ACP6: variants seen among roughly 807,000 people sequenced by gnomAD.
The protein encoded by ACP6 is lysophosphatidic acid phosphatase type 6.
ACP6 carries 48 observed loss-of-function variants against 48.1 expected under a neutral mutation model. The ratio of observed to expected loss-of-function variants is 1.00; its 90% CI spans 0.79 to 1.27. The LOEUF (loss-of-function observed/expected upper bound fraction) is 1.27, where lower values mean the gene tolerates loss of function less well. Ranked by LOEUF, ACP6 falls within the 50% of genes most tolerant of loss-of-function variation. The pLI is 0.00. For synonymous variants in ACP6, 172 were observed against 204.2 expected, an observed-to-expected ratio of 0.84 and a Z score of 1.34; for missense variants, 485 against 529.1, an observed-to-expected ratio of 0.92 and a Z score of 0.82.
chr1:147,668,434 A>G (rs1459191539), intron 1 of ACP6, among the ~76,000 whole-genome samples: 4 of 149,892 alleles, frequency 2.7e-5, no homozygotes, highest in African/African-American at 9.9e-5. Context: ...ATATATATAT[A>G]TGGTACATAC....
At chr1:147,666,821 TGCTTCTTGAATACC>T (rs1660822973) in intron 1 of ACP6, among the ~76,000 whole-genome samples, 1 of 152,232 alleles carries the variant, frequency 6.6e-6, no homozygotes, top group South Asian at 2.1e-4. Flanking sequence ...CCTCATGTAA[TGCTTCTTGAATACC>T]GCTTCTTTTA....
At chr1:147,665,312 T>C (rs1553213461) in intron 1 of ACP6, among the ~76,000 whole-genome samples, 2 of 152,192 alleles carry the variant, frequency 1.3e-5, no homozygotes, top group African/African-American at 2.4e-5. Context: ...TAAGGCCTCA[T>C]CTAAGCCAGT....
At chr1:147,657,671 A>G (rs12145385) in intron 4 of ACP6, among the ~76,000 whole-genome samples, 114,579 of 152,004 alleles carry the variant, frequency 0.75, 43,628 homozygotes, top group African/African-American at 0.86. Context: ...CACCCGCCTC[A>G]GCCTCCCAAA....
chr1:147,655,908 C>T (rs587691093), intron 4 of ACP6, among the ~76,000 whole-genome samples: 13 of 152,262 alleles, frequency 8.5e-5, no homozygotes, highest in South Asian at 2.1e-4. Flanking sequence ...AGTGTCCTAA[C>T]GCCTTCCCAT....
At chr1:147,635,218 A>G (rs1208349772) in intron 5 of ACP6, among the ~76,000 whole-genome samples, 1 of 152,186 alleles carries the variant, frequency 6.6e-6, no homozygotes, top group Non-Finnish European at 1.5e-5. Flanking sequence ...CTATAACTTA[A>G]CTTTTTATCT....
downstream of ACP6, among the ~76,000 whole-genome samples, chr1:147,637,710 C>A (rs1659334386): frequency 6.6e-6 from 1 of 152,196 alleles, no homozygotes; most frequent in Non-Finnish European, 1.5e-5. Flanking sequence ...CAGTTGTGGG[C>A]AACTGATTTT....
intron 1 of ACP6, among the ~76,000 whole-genome samples, chr1:147,665,755 G>A (rs770754341): frequency 7.9e-5 from 12 of 152,236 alleles, no homozygotes; most frequent in African/African-American, 1.4e-4. Context: ...GACCCTTGGC[G>A]TCTCCTAGGA....
intron 5 of ACP6, among the ~76,000 whole-genome samples, chr1:147,631,536 C>G (rs936889972): frequency 1.3e-5 from 2 of 152,206 alleles, no homozygotes; most frequent in East Asian, 3.8e-4. Context: ...TATGAATTGG[C>G]TGGACACTGT....
chr1:147,650,142 C>T lies in ACP6; in HGVS notation c.977+1G>A, dbSNP rs782648458. On this transcript the variant is annotated splice_donor_variant, in intron 8 of 9. Transcript: ENST00000583509. LOFTEE classifies it high-confidence loss of function. ...CAAAGCAGAGTTGCTGTGCCAGGTA[C>T]CTGATCTTGTCGGGGGCAGTGGCAG... The T allele has an allele frequency of 1.2e-6, 2 of 1,606,276 alleles. No individual in the cohort carries two copies. The highest frequency in any genetic ancestry group is 1.7e-6 in the Non-Finnish European group (2 of 1,176,586).
At chr1:147,669,490 C>T (rs1246208313) in intron 1 of ACP6, among the ~76,000 whole-genome samples, 4 of 152,214 alleles carry the variant, frequency 2.6e-5, no homozygotes, top group Non-Finnish European at 5.9e-5. Context: ...TTCACCTAGA[C>T]CCTTAATAGA....
In ACP6 at chr1:147,643,280, G is replaced by A. The variant is rs2148900101; in HGVS notation, c.*4143C>T. 1 of 152,278 alleles carries A rather than the reference G, an allele frequency of 6.6e-6. No homozygotes were observed. The allele number at this position is 152,278 out of a possible 1,614,324, so 9.4% of individuals were successfully genotyped here. A position where few individuals can be genotyped will look rare whatever the true frequency, so the allele number is the denominator to read the frequency against. ...GCAACGATGTTGAACAAAACACAAT[G>A]TTATTCAAGGACCTGCTATATGTCC... is the stretch of plus-strand genomic sequence containing the variant. On this transcript the variant is annotated 3_prime_UTR_variant, in exon 10 of 10. Coordinates refer to ENST00000583509, the MANE Select transcript of ACP6 (RefSeq NM_016361.5).
At position 147,659,138 on chromosome 1, in the gene ACP6, C is replaced by T; in HGVS notation, c.480-99G>A. On this transcript the variant is annotated intron_variant, in intron 3 of 9. Transcript: ENST00000583509. ...ACGCTCCAGGGGTCTTTCAAGAGTA[C>T]ATAAGGAGAGCTATGGAACTAGGAA... is the stretch of plus-strand genomic sequence containing the variant. The T allele has an allele frequency of 2.5e-6, 3 of 1,192,748 alleles. No individual in the cohort carries two copies. In the East Asian group the frequency reaches 7.6e-5, roughly 30 times the overall value. 73.9% of individuals were successfully genotyped at this position (1,192,748 alleles called of 1,614,324 possible).
At chr1:147,662,216 C>T (rs187948370) in intron 1 of ACP6, among the ~76,000 whole-genome samples, 1 of 152,200 alleles carries the variant, frequency 6.6e-6, no homozygotes, top group Non-Finnish European at 1.5e-5. Context: ...TGGAGATGTA[C>T]AAAATTAATA....
At position 147,670,127 on chromosome 1, in the gene ACP6, G is replaced by A; in HGVS notation, c.-79C>T. ...TCTTCTGCGGGCGCCGGGGCTCAGC[G>A]GGCGCCCCCAAGTCCGCGGGAACCT... On this transcript the variant is annotated 5_prime_UTR_variant, in exon 1 of 10. Transcript: ENST00000583509. 7.3e-7 allele frequency: 1 copy of A among 1,360,592 alleles called. No individual in the cohort carries two copies. Among genetic ancestry groups the A allele is most frequent in the Non-Finnish European group, 9.7e-7 (1 of 1,031,664 alleles). 84.3% of individuals were successfully genotyped at this position (1,360,592 alleles called of 1,614,324 possible).
At chr1:147,667,482 C>A (rs1660856909) in intron 1 of ACP6, among the ~76,000 whole-genome samples, 1 of 151,878 alleles carries the variant, frequency 6.6e-6, no homozygotes, top group South Asian at 2.1e-4. Flanking sequence ...TCCCAAAGTG[C>A]TGGGATTACA....
chr1:147,665,847 G>T (rs1660767386), intron 1 of ACP6, among the ~76,000 whole-genome samples: 1 of 152,152 alleles, frequency 6.6e-6, no homozygotes, highest in South Asian at 2.1e-4. Context: ...TCATATAATA[G>T]TGTCCACCCC....
rs1659742450 is a variant in ACP6, at chr1:147,648,399, G to A, written c.990C>T (p.Leu330=). Residue 330 remains leucine (L), a synonymous_variant, in exon 9 of 10, where the codon CTC becomes CTT. Transcript: ENST00000583509. The stretch of plus-strand genomic sequence containing the variant: ...TGAAGGTCACATCATGAGCCGCATA[G>A]AGATACAGCTTTCTGCAAGAGGAAA... ...TAPDKIRKLY[L]YAAHDVTFIP... 3 of 1,614,192 alleles carry A rather than the reference G, an allele frequency of 1.9e-6. No individual in the cohort carries two copies. In the African/African-American group the frequency reaches 4.0e-5, roughly 22 times the overall value.
chr1:147,659,893 T>C (rs997518318), intron 1 of ACP6, 118 bp from the exon 2 acceptor site: 17 of 1,232,786 alleles, frequency 1.4e-5, no homozygotes, highest in Non-Finnish European at 1.9e-5. Flanking sequence ...GCCTGCAACC[T>C]TCCTATGGGA....
intron 6 of ACP6, among the ~76,000 whole-genome samples, chr1:147,652,886 G>T (rs1339656520): frequency 6.6e-6 from 1 of 152,232 alleles, no homozygotes; most frequent in East Asian, 1.9e-4. Context: ...GAGTGCAGTG[G>T]CACGATCTCG....
Sources: allele counts gnomAD v4.1 joint callset (sites outside exome capture counted in the v4.1 genomes callset), GRCh38; gene constraint gnomAD v4.1.1; transcripts MANE v1.5; gene names NCBI Gene and HGNC (gene_info 2026-07-23, HGNC 2026-07-21).